Variants in KCNIP1 observed in about 807,000 individuals in gnomAD.
KCNIP1 encodes potassium voltage-gated channel interacting protein 1.
Under a neutral mutation model 33.0 loss-of-function variants are expected in KCNIP1, and 18 were observed. The observed-to-expected ratio is 0.55, with a 90% confidence interval of 0.38 to 0.81. The LOEUF (loss-of-function observed/expected upper bound fraction) is 0.81, where lower values mean the gene tolerates loss of function less well. Among genes scored for constraint, KCNIP1 ranks in the 30% least tolerant of loss-of-function variants. The probability of loss-of-function intolerance (pLI) is 0.00; values close to 1 mark genes in which losing one functional copy is unlikely to be tolerated. For missense variants in KCNIP1, 238 were observed against 271.6 expected (o/e 0.88, Z 0.87); for synonymous variants, 93 against 98.3 (o/e 0.95, Z 0.32).
chr5:170,712,824 T>C, intron 1 of KCNIP1: 1 of 1,611,752 alleles, frequency 6.2e-7, no homozygotes, highest in Non-Finnish European at 8.5e-7. Context: ...ATGAATCGAT[T>C]TGGTAAAATG....
chr5:170,388,559 A>G (rs1315079159), intron 1 of KCNIP1, among the ~76,000 whole-genome samples: 1 of 152,226 alleles, frequency 6.6e-6, no homozygotes, highest in Non-Finnish European at 1.5e-5. Context: ...GATTCAGAGA[A>G]GATGGAGAAG....
upstream of KCNIP1, among the ~76,000 whole-genome samples, chr5:170,501,950 A>C (rs966029014): frequency 6.6e-6 from 1 of 152,206 alleles, no homozygotes; most frequent in South Asian, 2.1e-4. Context: ...GGCCTGGACA[A>C]GCCCTGAGCT....
chr5:170,504,403 C>T lies in KCNIP1; in HGVS notation c.-170C>T. 4.2e-6 allele frequency: 6 copies of T among 1,444,752 alleles called. No homozygotes were observed. The highest frequency in any genetic ancestry group is 5.4e-6 in the Non-Finnish European group (6 of 1,105,242). The allele number at this position is 1,444,752 out of a possible 1,614,324, so 89.5% of individuals were successfully genotyped here. Reference sequence around the variant, plus strand: ...GCATGTGCGGGGCTGAAGAAGGAAGCCAGAAGCCTCCTAGCCTCGCCTCCA... The same window carrying T: ...GCATGTGCGGGGCTGAAGAAGGAAGTCAGAAGCCTCCTAGCCTCGCCTCCA... On this transcript the variant is annotated 5_prime_UTR_variant, in exon 1 of 8. Transcript: ENST00000328939. The surrounding 1 kb of genome is among the most constrained non-coding windows in gnomAD (Gnocchi z 6.0).
At chr5:170,720,115 C>T (rs1171648186) in intron 2 of KCNIP1, among the ~76,000 whole-genome samples, 1 of 152,162 alleles carries the variant, frequency 6.6e-6, no homozygotes, top group African/African-American at 2.4e-5. Context: ...CCAAATCTCT[C>T]CACCTCACAG....
Position 170,625,471 on chromosome 5 carries a change from G to A in KCNIP1, c.62-93287G>A, listed in dbSNP as rs142369704. Among the ~76,000 whole-genome samples the A allele has an allele frequency of 4.0e-3, 615 of 152,294 alleles. 4 individuals carry two copies. Among genetic ancestry groups the A allele is most frequent in the Middle Eastern group, 0.014 (4 of 294 alleles). ...GCACCCTCATCTCCGGCTCCCCATC[G>A]CTGGGCTGTGACCTGCGGGGGCGCC... On this transcript the variant is annotated intron_variant, in intron 1 of 7. Coordinates refer to ENST00000328939, the MANE Select transcript of KCNIP1 (RefSeq NM_014592.4).
intron 1 of KCNIP1, among the ~76,000 whole-genome samples, chr5:170,692,496 T>A (rs961839879): frequency 2.6e-5 from 4 of 152,332 alleles, no homozygotes; most frequent in Admixed American, 2.6e-4. Context: ...ATTGCAACAA[T>A]ACATTGCAAC....
chr5:170,715,956 T>C (rs1763631462), intron 1 of KCNIP1, among the ~76,000 whole-genome samples: 1 of 152,230 alleles, frequency 6.6e-6, no homozygotes, highest in African/African-American at 2.4e-5. Flanking sequence ...GCCATTCTCC[T>C]TCCTTTACTG....
intron 1 of KCNIP1, among the ~76,000 whole-genome samples, chr5:170,423,405 A>G (rs1298809985): frequency 6.6e-6 from 1 of 152,144 alleles, no homozygotes; most frequent in Non-Finnish European, 1.5e-5. Flanking sequence ...CACCAACACA[A>G]TAAAACCCCC....
At chr5:170,465,398 T>C (rs1401721911) in intron 1 of KCNIP1, among the ~76,000 whole-genome samples, 1 of 152,172 alleles carries the variant, frequency 6.6e-6, no homozygotes, top group African/African-American at 2.4e-5. Flanking sequence ...TAGAGAAAAC[T>C]GAGCTTTTCC....
chr5:170,698,895 C>T (rs746522344), intron 1 of KCNIP1, among the ~76,000 whole-genome samples: 11 of 152,114 alleles, frequency 7.2e-5, no homozygotes, highest in Non-Finnish European at 1.3e-4. Context: ...TTGATAAACA[C>T]GACATGTTGC....
At position 170,435,527 on chromosome 5, in the gene KCNIP1, A is replaced by G. The variant is rs564843221; in HGVS notation, c.88+81563A>G. ...GTTTTTGGGGCTTTTTTGCAAGCTCACCGGGGCCAAGTGAGCTATTTCCCC... is the reference window on the plus strand; with the variant it reads ...GTTTTTGGGGCTTTTTTGCAAGCTCGCCGGGGCCAAGTGAGCTATTTCCCC... On this transcript the variant is annotated intron_variant, in intron 1 of 7. Coordinates refer to the KCNIP1 transcript ENST00000377360. 1.0e-3 allele frequency among the ~76,000 whole-genome samples: 154 copies of G among 152,256 alleles called. 1 individual carries two copies. The highest frequency in any genetic ancestry group is 1.5e-3 in the Non-Finnish European group (104 of 68,018).
At chr5:170,473,684 G>C (rs1033516431) in intron 1 of KCNIP1, among the ~76,000 whole-genome samples, 1 of 152,090 alleles carries the variant, frequency 6.6e-6, no homozygotes, top group Non-Finnish European at 1.5e-5. Flanking sequence ...TCTTCCAAGG[G>C]GACAGACTGA....
chr5:170,359,987 G>A (rs1197675175), intron 1 of KCNIP1, among the ~76,000 whole-genome samples: 7 of 152,232 alleles, frequency 4.6e-5, no homozygotes. Context: ...CAGGACCACA[G>A]GGGAGCGGCT....
Position 170,492,759 on chromosome 5 carries a change from T to C in KCNIP1, c.88+138795T>C, listed in dbSNP as rs185257978. Reference sequence around the variant, plus strand: ...AGACAGAGACCAAATATCTATCTATTTATTTATTTATTTATTTATTTTTTG... The same window carrying C: ...AGACAGAGACCAAATATCTATCTATCTATTTATTTATTTATTTATTTTTTG... On this transcript the variant is annotated intron_variant, in intron 1 of 7. Coordinates refer to the KCNIP1 transcript ENST00000377360. Among the ~76,000 whole-genome samples the C allele has an allele frequency of 2.6e-3, 401 of 151,444 alleles. 3 individuals carry two copies. Among genetic ancestry groups the C allele is most frequent in the African/African-American group, 8.6e-3 (354 of 41,200 alleles).
chr5:170,499,728 T>C (rs115786067), upstream of KCNIP1, among the ~76,000 whole-genome samples: 1,053 of 151,714 alleles, frequency 6.9e-3, 10 homozygotes, highest in African/African-American at 0.024. Context: ...AAGAAAGAGA[T>C]ACAAAGAGGA....
chr5:170,656,835 G>A (rs1761286471), intron 1 of KCNIP1, among the ~76,000 whole-genome samples: 1 of 152,072 alleles, frequency 6.6e-6, no homozygotes, highest in South Asian at 2.1e-4. Flanking sequence ...GCGCACATGG[G>A]AGGGAGCCAC....
intron 1 of KCNIP1, among the ~76,000 whole-genome samples, chr5:170,587,270 A>G (rs974065083): frequency 4.0e-5 from 5 of 125,640 alleles, no homozygotes; most frequent in Admixed American, 8.9e-5. Flanking sequence ...AAAATAGAAA[A>G]ATTAGCCGGG....
At chr5:170,702,920 CTCTT>C (rs1436220353) in intron 1 of KCNIP1, among the ~76,000 whole-genome samples, 2 of 149,540 alleles carry the variant, frequency 1.3e-5, no homozygotes, top group East Asian at 4.4e-4. Flanking sequence ...GTCACCTTTT[CTCTT>C]TCTTCTCTGA....
At chr5:170,727,150 C>T (rs1177582351) in intron 5 of KCNIP1, among the ~76,000 whole-genome samples, 2 of 152,186 alleles carry the variant, frequency 1.3e-5, no homozygotes, top group African/African-American at 4.8e-5. Flanking sequence ...TTGCATGCAG[C>T]AATGTGTATG....
Sources: gnomAD v4.1 joint callset for allele counts (sites outside exome capture counted in the v4.1 genomes callset) on GRCh38, gnomAD v4.1.1 for gene constraint, Gnocchi (gnomAD v3.1) non-coding constraint, MANE v1.5 for transcripts, NCBI Gene and HGNC (gene_info 2026-07-23, HGNC 2026-07-21) for gene names.